Variants in DIP2B observed in about 807,000 individuals in gnomAD.
The protein encoded by DIP2B is DIP2 acetate--CoA ligase B (putative), also known as disco-interacting protein 2 homolog B.
A neutral mutation model predicts 198.0 loss-of-function variants in DIP2B; 76 were observed. The ratio of observed to expected loss-of-function variants is 0.38; its 90% CI spans 0.32 to 0.46. The LOEUF is 0.46. Among genes scored for constraint, DIP2B ranks in the 20% least tolerant of loss-of-function variants. The pLI, the probability that DIP2B is intolerant of heterozygous loss-of-function variation, is 0.99. For missense variants in DIP2B, 1,559 were observed against 1,978.4 expected (o/e 0.79, Z 4.02); for synonymous variants, 701 against 739.1 (o/e 0.95, Z 0.84).
At chr12:50,553,989 T>A (rs1467353144) in intron 1 of DIP2B, among the ~76,000 whole-genome samples, 1 of 152,166 alleles carries the variant, frequency 6.6e-6, no homozygotes, top group Non-Finnish European at 1.5e-5. Flanking sequence ...ACTGAAATTT[T>A]ATTTAATAGA....
intron 1 of DIP2B, among the ~76,000 whole-genome samples, chr12:50,568,934 A>C (rs961060414): frequency 6.6e-6 from 1 of 152,116 alleles, no homozygotes; most frequent in African/African-American, 2.4e-5. Context: ...TTTGTTTTCA[A>C]GTGCTTTATT....
intron 3 of DIP2B, among the ~76,000 whole-genome samples, chr12:50,652,713 G>A (rs901262628): frequency 5.9e-5 from 9 of 152,108 alleles, no homozygotes; most frequent in African/African-American, 1.9e-4. Context: ...GCTTTGGACA[G>A]TAACGACATT....
chr12:50,564,584 A>G (rs1373680058), intron 1 of DIP2B, among the ~76,000 whole-genome samples: 3 of 152,150 alleles, frequency 2.0e-5, no homozygotes, highest in African/African-American at 7.2e-5. Flanking sequence ...GCGTTTCTTT[A>G]TATACCATTA....
At chr12:50,739,331 A>T in intron 35 of DIP2B, 78 bp from the exon 36 acceptor site, 1 of 1,503,032 alleles carries the variant, frequency 6.7e-7, no homozygotes, top group Non-Finnish European at 9.0e-7. Flanking sequence ...GATTTAAAAA[A>T]TCAAAATAAC....
In DIP2B at chr12:50,611,699, T is replaced by C. The variant is rs190650888; in HGVS notation, c.101-14277T>C. On this transcript the variant is annotated intron_variant, in intron 1 of 37. Coordinates refer to ENST00000301180, the MANE Select transcript of DIP2B (RefSeq NM_173602.3). ...GTACTAGATCCCTTCAGTCGCTCTT[T>C]CACCCCTGAACTTCCACCACCACCA... is the stretch of plus-strand genomic sequence containing the variant. Among the ~76,000 whole-genome samples the C allele has an allele frequency of 1.1e-4, 17 of 152,194 alleles. No homozygotes were observed. In the East Asian group the frequency reaches 3.3e-3, roughly 29 times the overall value.
At chr12:50,622,938 A>G (rs1291219060) in intron 1 of DIP2B, among the ~76,000 whole-genome samples, 1 of 151,474 alleles carries the variant, frequency 6.6e-6, no homozygotes, top group Admixed American at 6.6e-5. Context: ...ACCCCATCTA[A>G]TGACCTATCA....
chr12:50,667,175 G>A (rs745999397), intron 4 of DIP2B, among the ~76,000 whole-genome samples: 2 of 152,128 alleles, frequency 1.3e-5, no homozygotes, highest in Non-Finnish European at 1.5e-5. Context: ...CGGCCAACAT[G>A]CTAATTGTTT....
intron 22 of DIP2B, among the ~76,000 whole-genome samples, chr12:50,709,230 T>A (rs1939569023): frequency 6.6e-6 from 1 of 152,242 alleles, no homozygotes; most frequent in South Asian, 2.1e-4. Flanking sequence ...TTTATAGAGC[T>A]GTTGGAAGGA....
In DIP2B at chr12:50,706,421, T is replaced by C. The variant is rs578019776; in HGVS notation, c.2407-117T>C. 5.7e-6 allele frequency: 7 copies of C among 1,219,274 alleles called. No homozygotes were observed. In the Admixed American group the frequency reaches 8.8e-5, roughly 15 times the overall value. The allele number at this position is 1,219,274 out of a possible 1,614,324, so 75.5% of individuals were successfully genotyped here. ...TGCTTTCTCTAGAATCCGTAAAATATGGCAGTTGTGTTTTTAATACTTTTT... is the reference window on the plus strand; with the variant it reads ...TGCTTTCTCTAGAATCCGTAAAATACGGCAGTTGTGTTTTTAATACTTTTT... On this transcript the variant is annotated intron_variant, in intron 20 of 37. Transcript: ENST00000301180.
At chr12:50,540,428 T>C (rs1429981138) in intron 1 of DIP2B, among the ~76,000 whole-genome samples, 1 of 150,880 alleles carries the variant, frequency 6.6e-6, no homozygotes, top group Non-Finnish European at 1.5e-5. Context: ...CATTTTTATA[T>C]AGTTATTAAT....
chr12:50,579,738 T>C (rs1958706668), intron 1 of DIP2B, among the ~76,000 whole-genome samples: 3 of 131,598 alleles, frequency 2.3e-5, no homozygotes, highest in Non-Finnish European at 3.2e-5. Flanking sequence ...CATGGACCCC[T>C]GTAATTTTGG....
At chr12:50,562,064 A>G (rs1437129086) in intron 1 of DIP2B, among the ~76,000 whole-genome samples, 4 of 152,374 alleles carry the variant, frequency 2.6e-5, no homozygotes, top group African/African-American at 4.8e-5. Flanking sequence ...TAAATAAGGT[A>G]TCATTCAGAT....
intron 1 of DIP2B, among the ~76,000 whole-genome samples, chr12:50,615,309 C>T (rs772195326): frequency 4.6e-5 from 7 of 151,932 alleles, no homozygotes; most frequent in African/African-American, 7.3e-5. Context: ...ATTAGATGCA[C>T]GTAGCACTGT....
At chr12:50,652,369 ACG>A (rs1465835208) in intron 3 of DIP2B, among the ~76,000 whole-genome samples, 54 of 132,918 alleles carry the variant, frequency 4.1e-4, no homozygotes, top group African/African-American at 1.3e-3. Flanking sequence ...ACACACACAC[ACG>A]CACACACACA....
intron 10 of DIP2B, 128 bp from the exon 11 acceptor site, chr12:50,685,705 T>C: frequency 2.9e-6 from 3 of 1,040,512 alleles, no homozygotes; most frequent in Non-Finnish European, 4.0e-6. Context: ...TTTTGACAAT[T>C]GCCAGATATT....
At chr12:50,707,402 A>G (rs573182605) in intron 21 of DIP2B, among the ~76,000 whole-genome samples, 1 of 152,216 alleles carries the variant, frequency 6.6e-6, no homozygotes, top group Non-Finnish European at 1.5e-5. Context: ...ATATCCCAGC[A>G]ATCAGTAGTG....
At position 50,714,578 on chromosome 12, in the gene DIP2B, C is replaced by T; in HGVS notation, c.2833C>T (p.Pro945Ser). 1 of 1,614,062 alleles carries T rather than the reference C, an allele frequency of 6.2e-7. No individual in the cohort carries two copies. Among genetic ancestry groups the T allele is most frequent in the South Asian group, 1.1e-5 (1 of 91,084 alleles). ...PHTCVTNLPK[P>S]RQKQPGVGPA... Reference sequence around the variant, plus strand: ...TACATGTGTGACAAACTTGCCAAAGCCCCGGCAAAAACAACCAGGTAATAT... The same window carrying T: ...TACATGTGTGACAAACTTGCCAAAGTCCCGGCAAAAACAACCAGGTAATAT... The change falls in exon 23 of 38, where the codon CCC (proline) becomes TCC (serine). Residue 945 changes from proline to serine, a missense_variant. Coordinates refer to ENST00000301180, the MANE Select transcript of DIP2B (RefSeq NM_173602.3).
chr12:50,690,900 C>G, intron 12 of DIP2B, 149 bp from the exon 13 acceptor site: 1 of 614,584 alleles, frequency 1.6e-6, no homozygotes, highest in East Asian at 2.9e-5. Context: ...AGTTTGAGAC[C>G]CTAGTACATT....
At chr12:50,705,674 A>G (rs895475464) in intron 20 of DIP2B, among the ~76,000 whole-genome samples, 1 of 152,254 alleles carries the variant, frequency 6.6e-6, no homozygotes, top group Admixed American at 6.5e-5. Context: ...TGACTGTCTC[A>G]TTCTCTTACC....
Sources: allele counts gnomAD v4.1 joint callset (sites outside exome capture counted in the v4.1 genomes callset), GRCh38; gene constraint gnomAD v4.1.1; transcripts MANE v1.5; gene names NCBI Gene and HGNC (gene_info 2026-07-23, HGNC 2026-07-21).